Variants in ZNF749 observed in about 807,000 individuals in gnomAD.
ZNF749 encodes the protein zinc finger protein 749.
Under a neutral mutation model 7.3 loss-of-function variants are expected in ZNF749, and 8 were observed. That is an observed-to-expected ratio of 1.10 (90% CI 0.64 to 1.98). The LOEUF is 1.98. Among genes scored for constraint, ZNF749 ranks in the 30% most tolerant of loss-of-function variants. ZNF749 has a pLI of 0.00. For synonymous variants in ZNF749, 310 were observed against 322.4 expected (o/e 0.96, Z 0.41); for missense variants, 898 against 932.4 (o/e 0.96, Z 0.48).
chr19:57,438,277 A>G (rs112889965), intron 1 of ZNF749: 1 of 383,040 alleles, frequency 2.6e-6, no homozygotes, highest in Non-Finnish European at 4.6e-6. Flanking sequence ...GTGATTAGGC[A>G]TAATTGAAGC....
At position 57,443,318 on chromosome 19, in the gene ZNF749, A is replaced by G. The variant is rs770113712; in HGVS notation, c.170A>G (p.Glu57Gly). 6.2e-7 allele frequency: 1 copy of G among 1,609,874 alleles called. No individual in the cohort carries two copies. Among genetic ancestry groups the G allele is most frequent in the South Asian group, 1.1e-5 (1 of 90,642 alleles). Residue 57 changes from glutamate (E) to glycine (G), a missense_variant, in exon 3 of 3, where the codon GAG (glutamate) becomes GGG (glycine). Transcript: ENST00000334181. ...VGCWHGAKDE[E>G]VPSKQCVSVR... is the part of the protein sequence containing the mutation. ...TGTTGGCATGGAGCCAAGGATGAGG[A>G]GGTACCTTCCAAGCAGTGTGTTTCT... is the stretch of plus-strand genomic sequence containing the variant.
Position 57,445,798 on chromosome 19 carries a change from A to G in ZNF749, c.*313A>G, listed in dbSNP as rs111741823. On this transcript the variant is annotated 3_prime_UTR_variant, in exon 3 of 3. Transcript: ENST00000334181. ...ACAAAAATTAGCTGGGCATGGTGGC[A>G]GGTGCCTGTAATCCCAGCTATTCAG... 0.096 allele frequency among the ~76,000 whole-genome samples: 14,675 copies of G among 152,174 alleles called. 1,755 individuals carry two copies. The highest frequency in any genetic ancestry group is 0.29 in the African/African-American group (11,857 of 41,466).
At chr19:57,433,109 G>GT (rs1374785596), upstream of ZNF749, among the ~76,000 whole-genome samples, 6 of 105,232 alleles carry the variant, frequency 5.7e-5, no homozygotes, top group Middle Eastern at 4.7e-3. Context: ...ATAGTCTTGA[G>GT]GAGTGTGTGT....
At chr19:57,430,139 G>C in the ZNF749 span, among the ~76,000 whole-genome samples, 2 of 152,184 alleles carry the variant, frequency 1.3e-5, no homozygotes, top group South Asian at 4.1e-4. Flanking sequence ...TCTGTTTTGT[G>C]CTTCTATAAC....
chr19:57,443,991 A>G lies in ZNF749; in HGVS notation c.843A>G (p.Lys281=). 6.2e-7 allele frequency: 1 copy of G among 1,613,910 alleles called. No homozygotes were observed. Among genetic ancestry groups the G allele is most frequent in the South Asian group, 1.1e-5 (1 of 91,072 alleles). The change falls in exon 3 of 3, where the codon AAA becomes AAG. Residue 281 remains lysine (K), a synonymous_variant. Transcript: ENST00000334181. ...TTCACAGTGAAGGCTTTCTTTCAAAAAGGTCTGACCCCATTGAACATCAGG... is the reference window on the plus strand; with the variant it reads ...TTCACAGTGAAGGCTTTCTTTCAAAGAGGTCTGACCCCATTGAACATCAGG... ...QKIHSEGFLS[K]RSDPIEHQEI...
chr19:57,444,499 T>A lies in ZNF749; in HGVS notation c.1351T>A (p.Ser451Thr). The change falls in exon 3 of 3, where the codon TCC becomes ACC. Residue 451 changes from serine to threonine, a missense_variant. Coordinates refer to ENST00000334181, the MANE Select transcript of ZNF749 (RefSeq NM_001023561.4). The stretch of plus-strand genomic sequence containing the variant: ...ATGTGAGAAGGCCTTTGTTAGAAAG[T>A]CCCACCTAGTTCAGCACCAGAAAAT... ...TECEKAFVRK[S>T]HLVQHQKIHT... The A allele has an allele frequency of 8.7e-6, 14 of 1,613,986 alleles. No individual in the cohort carries two copies. Among genetic ancestry groups the A allele is most frequent in the Non-Finnish European group, 1.2e-5 (14 of 1,179,892 alleles).
chr19:57,443,919 T>C lies in ZNF749; in HGVS notation c.771T>C (p.Tyr257=), dbSNP rs866267691. 20 of 1,613,958 alleles carry C rather than the reference T, an allele frequency of 1.2e-5. 2 individuals are homozygous for C. The Middle Eastern group carries it at 3.0e-3, about 240-fold the overall frequency. ...AAAGGCCTTATGAGGGCACTGAATA[T>C]GGAAAGACCTTTATTAGAAAGTCCA... ...AGERPYEGTE[Y]GKTFIRKSNL... is the part of the protein sequence containing the mutation. Residue 257 remains tyrosine, a synonymous_variant, in exon 3 of 3, where the codon TAT becomes TAC. Transcript: ENST00000334181.
At chr19:57,437,197 A>G (rs943314226) in intron 1 of ZNF749, among the ~76,000 whole-genome samples, 2 of 152,126 alleles carry the variant, frequency 1.3e-5, no homozygotes, top group African/African-American at 2.4e-5. Flanking sequence ...TGTGACTGAC[A>G]TCTCATATAT....
chr19:57,439,624 G>C lies in ZNF749; in HGVS notation c.16-2261G>C, dbSNP rs1441907992. On this transcript the variant is annotated intron_variant, in intron 1 of 2. Transcript: ENST00000334181. This position sits in a 1 kb window ranked among gnomAD's most constrained non-coding sequence, Gnocchi z 4.3. Reference sequence around the variant, plus strand: ...TAATAATAAATAGCTGGGTGTGGTGGCGTCTCTCTGTGGTCTCAGCTAATC... The same window carrying C: ...TAATAATAAATAGCTGGGTGTGGTGCCGTCTCTCTGTGGTCTCAGCTAATC... 6.6e-6 allele frequency among the ~76,000 whole-genome samples: 1 copy of C among 151,964 alleles called. No individual in the cohort carries two copies. The highest frequency in any genetic ancestry group is 1.9e-4 in the East Asian group (1 of 5,182).
At chr19:57,429,426 C>T in the ZNF749 span, among the ~76,000 whole-genome samples, 1 of 152,056 alleles carries the variant, frequency 6.6e-6, no homozygotes, top group Admixed American at 6.6e-5. This position sits in a 1 kb window ranked among gnomAD's most constrained non-coding sequence, Gnocchi z 4.2. Context: ...TTTGTATATA[C>T]CCAGAAGTAA....
chr19:57,432,551 G>C (rs925420990), upstream of ZNF749, among the ~76,000 whole-genome samples: 7 of 123,080 alleles, frequency 5.7e-5, no homozygotes, highest in Non-Finnish European at 3.2e-5. Context: ...AACAGAGTGA[G>C]ACTCTGTCTT....
Position 57,445,327 on chromosome 19 carries a change from A to C in ZNF749, c.2179A>C (p.Arg727=). 6.2e-7 allele frequency: 1 copy of C among 1,613,922 alleles called. No homozygotes were observed. The highest frequency in any genetic ancestry group is 1.1e-5 in the South Asian group (1 of 91,072). ...CACTGGAGAAAGTCCTTTTAAGTTA[A>C]GGGAATGTGGGAAAGACTTCAACAA... ...SHTGESPFKL[R]ECGKDFNKCN... Residue 727 remains arginine (R), a synonymous_variant, in exon 3 of 3, where the codon AGG becomes CGG. Transcript: ENST00000334181.
chr19:57,445,098 A>C lies in ZNF749; in HGVS notation c.1950A>C (p.Arg650Ser). Reference sequence around the variant, plus strand: ...GTAGTGAATGTGGGAAATTTTTTAGAGATAGCTACAAACTCATTATTCATC... The same window carrying C: ...GTAGTGAATGTGGGAAATTTTTTAGCGATAGCTACAAACTCATTATTCATC... ...YECSECGKFF[R>S]DSYKLIIHQR... The change falls in exon 3 of 3, where the codon AGA (arginine) becomes AGC (serine). Residue 650 changes from arginine (R) to serine (S), a missense_variant. Arg to Ser is a moderately radical substitution (Grantham distance 110). Coordinates refer to ENST00000334181, the MANE Select transcript of ZNF749 (RefSeq NM_001023561.4). The C allele has an allele frequency of 6.2e-7, 1 of 1,613,550 alleles. No homozygotes were observed. Among genetic ancestry groups the C allele is most frequent in the Non-Finnish European group, 8.5e-7 (1 of 1,179,820 alleles).
In ZNF749 at chr19:57,444,869, A is replaced by G; in HGVS notation, c.1721A>G (p.His574Arg). The change falls in exon 3 of 3, where the codon CAC becomes CGC. Residue 574 changes from histidine to arginine, a missense_variant. Transcript: ENST00000334181. ...AFLTQAHLDG[H>R]QKIQTGERRY... Reference sequence around the variant, plus strand: ...CTTACACAGGCTCATCTAGATGGTCACCAGAAAATCCAGACTGGAGAACGG... The same window carrying G: ...CTTACACAGGCTCATCTAGATGGTCGCCAGAAAATCCAGACTGGAGAACGG... 1 of 1,614,202 alleles carries G rather than the reference A, an allele frequency of 6.2e-7. No homozygotes were observed. Among genetic ancestry groups the G allele is most frequent in the Non-Finnish European group, 8.5e-7 (1 of 1,179,998 alleles).
At chr19:57,437,261 T>C (rs1038934873) in intron 1 of ZNF749, among the ~76,000 whole-genome samples, 1 of 147,512 alleles carries the variant, frequency 6.8e-6, no homozygotes, top group African/African-American at 2.5e-5. Flanking sequence ...GTCTGGGCTA[T>C]TTTTTTTTTT....
rs756487522 is a variant in ZNF749, at chr19:57,444,162, C to G, written c.1014C>G (p.Asn338Lys). ...AGTGTGGGAAGTTTTTTATGTATAA[C>G]TCCAAACTCATCAGACATCAGAAAG... is the stretch of plus-strand genomic sequence containing the variant. ...CNKCGKFFMYNSKLIRHQKVH... is the reference protein window; with the variant it reads ...CNKCGKFFMYKSKLIRHQKVH... Residue 338 changes from asparagine to lysine, a missense_variant, in exon 3 of 3, where the codon AAC becomes AAG. Physicochemically the swap from Asn to Lys is moderately conservative, Grantham distance 94. Transcript: ENST00000334181. 3.5e-5 allele frequency: 57 copies of G among 1,613,772 alleles called. No individual in the cohort carries two copies. The highest frequency in any genetic ancestry group is 4.3e-5 in the Non-Finnish European group (51 of 1,179,984).
intron 1 of ZNF749, among the ~76,000 whole-genome samples, chr19:57,437,272 C>G (rs1264425728): frequency 6.7e-6 from 1 of 149,832 alleles, no homozygotes; most frequent in African/African-American, 2.5e-5. Flanking sequence ...TTTTTTTTTT[C>G]CTCAGCCAAT....
Position 57,441,869 on chromosome 19 carries a change from G to A in ZNF749, c.16-16G>A, listed in dbSNP as rs1337056981. On this transcript the variant is annotated splice_polypyrimidine_tract_variant and intron_variant, in intron 1 of 2. Coordinates refer to ENST00000334181, the MANE Select transcript of ZNF749 (RefSeq NM_001023561.4). ...TAAGAAGTTGTTCATAGACTGAAGT[G>A]TCATAATTTTGGCAGGATTGTATGG... is the stretch of plus-strand genomic sequence containing the variant. 5 of 1,613,918 alleles carry A rather than the reference G, an allele frequency of 3.1e-6. No individual in the cohort carries two copies. The South Asian group carries it at 4.4e-5, about 14-fold the overall frequency.
intron 1 of ZNF749, among the ~76,000 whole-genome samples, 167 bp from the exon 2 acceptor site, chr19:57,441,718 G>C (rs2088991580): frequency 6.6e-6 from 1 of 152,162 alleles, no homozygotes; most frequent in Non-Finnish European, 1.5e-5. Context: ...TCATGTATGA[G>C]CATTAGATAG....
Sources: allele counts gnomAD v4.1 joint callset (sites outside exome capture counted in the v4.1 genomes callset), GRCh38; gene constraint gnomAD v4.1.1; non-coding constraint Gnocchi (gnomAD v3.1); transcripts MANE v1.5; gene names NCBI Gene and HGNC (gene_info 2026-07-23, HGNC 2026-07-21).